The following ATP8A1 variants were observed in gnomAD, a reference collection of about 807,000 sequenced individuals.
The protein encoded by ATP8A1 is ATPase phospholipid transporting 8A1, also known as phospholipid-transporting ATPase IA.
A neutral mutation model predicts 177.7 loss-of-function variants in ATP8A1; 90 were observed. The observed-to-expected ratio is 0.51, with a 90% CI of 0.43 to 0.60. ATP8A1 has a LOEUF of 0.60. Ranked by LOEUF, ATP8A1 falls within the 20% of genes least tolerant of loss-of-function variation. ATP8A1 has a pLI of 0.00. For missense variants in ATP8A1, 1,072 were observed against 1,392.8 expected (o/e 0.77, Z 3.67); for synonymous variants, 493 against 485.9 (o/e 1.01, Z -0.19).
At chr4:42,574,515 C>A (rs1053517845) in intron 14 of ATP8A1, 104 bp downstream of exon 14, 12 of 885,656 alleles carry the variant, frequency 1.4e-5, no homozygotes, top group African/African-American at 5.3e-5. Flanking sequence ...CTAAAAAAAA[C>A]CAAACAACCC....
chr4:42,632,996 T>A (rs1738907696), intron 1 of ATP8A1, among the ~76,000 whole-genome samples: 1 of 152,158 alleles, frequency 6.6e-6, no homozygotes, highest in Non-Finnish European at 1.5e-5. Flanking sequence ...GCAGGAAAAT[T>A]CTGAAAAACA....
intron 16 of ATP8A1, among the ~76,000 whole-genome samples, chr4:42,555,048 T>G (rs936612225): frequency 2.0e-5 from 3 of 152,140 alleles, no homozygotes; most frequent in African/African-American, 7.2e-5. Flanking sequence ...TGGGATTGTG[T>G]GAGTTAATAT....
rs563954192 is a variant in ATP8A1 at position 42,446,769 on chromosome 4, G to T, written c.2897-125C>A. 1.5e-3 allele frequency: 895 copies of T among 588,352 alleles called. 2 individuals carry two copies. Among genetic ancestry groups the T allele is most frequent in the Non-Finnish European group, 1.7e-3 (627 of 374,776 alleles). The allele number at this position is 588,352 out of a possible 1,614,324, so 36.4% of individuals were successfully genotyped here. Reference sequence around the variant, plus strand: ...GGATACACAATGGAGCCAGAAATGAGATTAAAAAAAAAAACAACCCCAAAC... The same window carrying T: ...GGATACACAATGGAGCCAGAAATGATATTAAAAAAAAAAACAACCCCAAAC... On this transcript the variant is annotated intron_variant, in intron 30 of 36. Coordinates refer to ENST00000381668, the MANE Select transcript of ATP8A1 (RefSeq NM_006095.2).
intron 25 of ATP8A1, among the ~76,000 whole-genome samples, chr4:42,480,184 G>C (rs1332563752): frequency 6.6e-6 from 1 of 152,010 alleles, no homozygotes; most frequent in African/African-American, 2.4e-5. Flanking sequence ...CCTGGTGGTG[G>C]TCATCATAAT....
chr4:42,648,822 C>T (rs1740810123), intron 1 of ATP8A1, among the ~76,000 whole-genome samples: 1 of 151,968 alleles, frequency 6.6e-6, no homozygotes, highest in South Asian at 2.1e-4. Context: ...ACTACATTTA[C>T]CAAAATATGT....
At chr4:42,437,512 C>T (rs1173374585) in intron 33 of ATP8A1, among the ~76,000 whole-genome samples, 2 of 152,176 alleles carry the variant, frequency 1.3e-5, no homozygotes. Context: ...AAGCGACAGC[C>T]AAGTTCGTCA....
At chr4:42,428,958 C>A (rs1368650501) in intron 33 of ATP8A1, among the ~76,000 whole-genome samples, 1 of 152,188 alleles carries the variant, frequency 6.6e-6, no homozygotes, top group Non-Finnish European at 1.5e-5. Flanking sequence ...GTTGCTCATT[C>A]ATCCTCTTGT....
chr4:42,545,159 C>CAAAA (rs150594728), intron 19 of ATP8A1, among the ~76,000 whole-genome samples: 1 of 83,688 alleles, frequency 1.2e-5, no homozygotes. Context: ...GACTCCGTCT[C>CAAAA]AAAAAAAAAA....
In ATP8A1 at chr4:42,549,854, A is replaced by T. The variant is rs142026655; in HGVS notation, c.1603-792T>A. ...AAATTTAAAAAACAAAAAAATAATTACCAAATACAACGATGTTCAGCTATG... is the reference window on the plus strand; with the variant it reads ...AAATTTAAAAAACAAAAAAATAATTTCCAAATACAACGATGTTCAGCTATG... On this transcript the variant is annotated intron_variant, in intron 18 of 36. Transcript: ENST00000381668. Among the ~76,000 whole-genome samples the T allele has an allele frequency of 9.4e-4, 143 of 152,264 alleles. 1 individual carries two copies. In the East Asian group the frequency reaches 0.022, roughly 23 times the overall value.
intron 14 of ATP8A1, among the ~76,000 whole-genome samples, chr4:42,574,216 G>GA (rs1409432808): frequency 1.3e-5 from 2 of 150,432 alleles, no homozygotes; most frequent in African/African-American, 2.4e-5. Context: ...GATGATAGAA[G>GA]AAAAAAAAAG....
chr4:42,511,065 C>T (rs1724959112), intron 22 of ATP8A1, among the ~76,000 whole-genome samples: 2 of 152,126 alleles, frequency 1.3e-5, no homozygotes, highest in South Asian at 4.2e-4. Context: ...ACACTGTACT[C>T]CATAAGCGTG....
rs1488104458 is a variant in ATP8A1 at position 42,411,020 on chromosome 4, T to G, written c.*1896A>C. On this transcript the variant is annotated 3_prime_UTR_variant, in exon 37 of 37. Coordinates refer to ENST00000381668, the MANE Select transcript of ATP8A1 (RefSeq NM_006095.2). ...AAAGCTGCTCTGAATATTCATTCAC[T>G]GGACAGGTAAAGACTGGGACTTCAG... 6 of 152,216 alleles carry G rather than the reference T, an allele frequency of 3.9e-5. No homozygotes were observed. The highest frequency in any genetic ancestry group is 9.6e-5 in the African/African-American group (4 of 41,466). The allele number at this position is 152,216 out of a possible 1,614,324, so 9.4% of individuals were successfully genotyped here. A position where few individuals can be genotyped will look rare whatever the true frequency, so the allele number is the denominator to read the frequency against.
chr4:42,594,344 C>T lies in ATP8A1; in HGVS notation c.451-3460G>A, dbSNP rs372980476. 8.8e-6 allele frequency: 14 copies of T among 1,595,304 alleles called. No homozygotes were observed. In the African/African-American group the frequency reaches 1.7e-4, roughly 20 times the overall value. On this transcript the variant is annotated intron_variant, in intron 6 of 36. Transcript: ENST00000381668. Reference sequence around the variant, plus strand: ...ATATACTCTTTGCCTTTTATTATAACTATATCTCCAACATTTACCTGAAAG... The same window carrying T: ...ATATACTCTTTGCCTTTTATTATAATTATATCTCCAACATTTACCTGAAAG...
chr4:42,441,281 C>T (rs541504863), intron 33 of ATP8A1, among the ~76,000 whole-genome samples: 41 of 151,914 alleles, frequency 2.7e-4, no homozygotes, highest in Admixed American at 1.9e-3. Flanking sequence ...AGACAGTTGG[C>T]CAATTATGTA....
At chr4:42,496,680 G>A (rs1723300366) in intron 24 of ATP8A1, among the ~76,000 whole-genome samples, 1 of 151,888 alleles carries the variant, frequency 6.6e-6, no homozygotes, top group South Asian at 2.1e-4. Flanking sequence ...ATCATGATCT[G>A]CCATATTTTC....
intron 19 of ATP8A1, among the ~76,000 whole-genome samples, chr4:42,548,238 T>C (rs540117425): frequency 1.2e-4 from 19 of 152,290 alleles, no homozygotes; most frequent in Admixed American, 2.6e-4. Context: ...TTAGATATAA[T>C]GAGCATACAA....
chr4:42,539,837 T>C (rs1026950252), intron 20 of ATP8A1, among the ~76,000 whole-genome samples: 6 of 152,018 alleles, frequency 3.9e-5, no homozygotes, highest in African/African-American at 7.2e-5. Flanking sequence ...ACTCAAACTT[T>C]TAAAAATACT....
chr4:42,515,043 T>C (rs1410797410), intron 22 of ATP8A1, among the ~76,000 whole-genome samples: 1 of 152,186 alleles, frequency 6.6e-6, no homozygotes, highest in East Asian at 1.9e-4. Flanking sequence ...ATAAAACAAA[T>C]AGAAGTTCTA....
intron 33 of ATP8A1, among the ~76,000 whole-genome samples, chr4:42,427,413 G>A (rs1714748631): frequency 6.6e-6 from 1 of 152,222 alleles, no homozygotes. Context: ...ATGGAAAAGT[G>A]TTAAGTCACT....
Sources: gnomAD v4.1 joint callset for allele counts (sites outside exome capture counted in the v4.1 genomes callset) on GRCh38, gnomAD v4.1.1 for gene constraint, MANE v1.5 for transcripts, NCBI Gene and HGNC (gene_info 2026-07-23, HGNC 2026-07-21) for gene names.